The following SARDH variants were observed in gnomAD, a reference collection of about 807,000 sequenced individuals.
The protein encoded by SARDH is sarcosine dehydrogenase.
Under a neutral mutation model 109.1 loss-of-function variants are expected in SARDH, and 95 were observed. The observed-to-expected ratio is 0.87, with a 90% confidence interval of 0.74 to 1.03. SARDH has a LOEUF of 1.03. SARDH is among the 50% of genes least tolerant of loss of function. The pLI is 0.00. For missense variants in SARDH, 1,267 were observed against 1,287.8 expected (o/e 0.98, Z 0.25); for synonymous variants, 572 against 534.8 (o/e 1.07, Z -0.96).
chr9:133,721,114 C>T (rs1385097791), intron 6 of SARDH, among the ~76,000 whole-genome samples: 11 of 152,268 alleles, frequency 7.2e-5, no homozygotes, highest in Non-Finnish European at 4.4e-5. Flanking sequence ...GAAAAATGTC[C>T]AAGCAACAGC....
At chr9:133,660,461 CTTAT>C (rs1412291636), downstream of SARDH, among the ~76,000 whole-genome samples, 3 of 152,106 alleles carry the variant, frequency 2.0e-5, no homozygotes, top group African/African-American at 4.8e-5. Context: ...AAATAAGTTC[CTTAT>C]TTAGAGGCTT....
Position 133,696,289 on chromosome 9 carries a change from G to C in SARDH, c.1741C>G (p.Leu581Val). ...GCCTTCCTTGCATCCAGCCCCACCA[G>C]GTAGAACTTCCCGAAGTAGGACATG... ...FDMSYFGKFY[L>V]VGLDARKAAD... The change falls in exon 14 of 21, where the codon CTG becomes GTG. Residue 581 changes from leucine to valine, a missense_variant. Leu to Val is a conservative substitution (Grantham distance 32, BLOSUM62 1). Coordinates refer to ENST00000439388, the MANE Select transcript of SARDH (RefSeq NM_001134707.2). 1 of 1,614,184 alleles carries C rather than the reference G, an allele frequency of 6.2e-7. No individual in the cohort carries two copies. Among genetic ancestry groups the C allele is most frequent in the Non-Finnish European group, 8.5e-7 (1 of 1,180,040 alleles).
At chr9:133,722,452 A>G (rs1173681421) in intron 6 of SARDH, among the ~76,000 whole-genome samples, 1 of 152,240 alleles carries the variant, frequency 6.6e-6, no homozygotes, top group Admixed American at 6.5e-5. Context: ...ATCAGGAATT[A>G]GAGAAAGATA....
Position 133,734,051 on chromosome 9 carries a change from T to C in SARDH, c.123A>G (p.Pro41=), listed in dbSNP as rs909351345. The C allele has an allele frequency of 2.7e-5, 43 of 1,613,362 alleles. No homozygotes were observed. The highest frequency in any genetic ancestry group is 8.0e-5 in the African/African-American group (6 of 75,058). The change falls in exon 2 of 21, where the codon CCA becomes CCG. Residue 41 remains proline, a synonymous_variant. Coordinates refer to ENST00000439388, the MANE Select transcript of SARDH (RefSeq NM_001134707.2). ...GTCCCTCCTTCAGGGTCCGCTGATATGGCACACTCTTCTCGGCTGTGGGGC... is the reference window on the plus strand; with the variant it reads ...GTCCCTCCTTCAGGGTCCGCTGATACGGCACACTCTTCTCGGCTGTGGGGC... ...AAGPTAEKSV[P]YQRTLKEGQG...
chr9:133,692,176 C>T lies in SARDH; in HGVS notation c.1922-1649G>A, dbSNP rs775054572. On this transcript the variant is annotated intron_variant, in intron 15 of 20. Transcript: ENST00000439388. The surrounding 1 kb of genome is among the most constrained non-coding windows in gnomAD (Gnocchi z 5.0). ...TTCTCCATCGCAGCCCCGGGAGGCG[C>T]GTCTTCCTCACTCCATTCCACCAAT... Among the ~76,000 whole-genome samples the T allele has an allele frequency of 6.6e-5, 10 of 152,126 alleles. No individual in the cohort carries two copies. The highest frequency in any genetic ancestry group is 1.2e-4 in the Non-Finnish European group (8 of 68,008).
chr9:133,736,615 C>A lies in SARDH; in HGVS notation c.-31+1639G>T, dbSNP rs544909042. ...TTCACCATGTTGGCCAGGCTGGTCT[C>A]GAACTCCTGACCTCAGGTGATCCGC... is the stretch of plus-strand genomic sequence containing the variant. On this transcript the variant is annotated intron_variant, in intron 1 of 20. Transcript: ENST00000439388. 4.4e-3 allele frequency among the ~76,000 whole-genome samples: 675 copies of A among 152,264 alleles called. 4 individuals carry two copies. Among genetic ancestry groups the A allele is most frequent in the African/African-American group, 0.015 (628 of 41,550 alleles).
intron 19 of SARDH, among the ~76,000 whole-genome samples, chr9:133,669,662 G>T (rs182088220): frequency 6.6e-6 from 1 of 152,130 alleles, no homozygotes; most frequent in Non-Finnish European, 1.5e-5. Flanking sequence ...AGGTCAGGTC[G>T]CCCCCAGGCA....
chr9:133,717,407 A>T lies in SARDH; in HGVS notation c.1069T>A (p.Phe357Ile). Residue 357 changes from phenylalanine (F) to isoleucine (I), a missense_variant, in exon 8 of 21, where the codon TTC becomes ATC. Physicochemically the swap from Phe to Ile is conservative, Grantham distance 21. Coordinates refer to ENST00000439388, the MANE Select transcript of SARDH (RefSeq NM_001134707.2). ...ATGGCGCCTTCAATGTGCTGGGTGA[A>T]CACCTCCCAGTCCAGGTCAAAGAGG... ...FGLFDLDWEV[F>I]TQHIEGAINR... The T allele has an allele frequency of 6.2e-7, 1 of 1,614,094 alleles. No homozygotes were observed.
chr9:133,687,597 G>T (rs1830932191), intron 16 of SARDH, among the ~76,000 whole-genome samples: 1 of 152,078 alleles, frequency 6.6e-6, no homozygotes, highest in Non-Finnish European at 1.5e-5. Context: ...AGCACAGGGG[G>T]CTATTTGAGT....
In SARDH at chr9:133,667,196, T is replaced by G. The variant is rs1363867123; in HGVS notation, c.2496-326A>C. 543 of 29,958 alleles carry G rather than the reference T, an allele frequency of 0.018. 4 individuals are homozygous for G. The East Asian group carries it at 0.2, about 11-fold the overall frequency. The allele number at this position is 29,958 out of a possible 1,614,324, so 1.9% of individuals were successfully genotyped here. On this transcript the variant is annotated intron_variant, in intron 19 of 20. Coordinates refer to ENST00000439388, the MANE Select transcript of SARDH (RefSeq NM_001134707.2). ...CCTTCCATTGTTGTTCAACTCTGGT[T>G]TTTTTTTTTTTTTTTTTTTTGGTGC...
downstream of SARDH, among the ~76,000 whole-genome samples, chr9:133,662,964 A>G (rs930908928): frequency 6.6e-6 from 1 of 152,210 alleles, no homozygotes; most frequent in African/African-American, 2.4e-5. The surrounding 1 kb of genome is among the most constrained non-coding windows in gnomAD (Gnocchi z 5.1). Context: ...CAGGGGGAAG[A>G]GAAGGTGGGC....
chr9:133,694,705 GC>G lies in SARDH; in HGVS notation c.1808-335del, dbSNP rs1256012967. ...AGAAGTTTCTAGGGACAGGATTCAT[GC>G]CCCCCGTTCATTCTGGGGCTCCTAG... On this transcript the variant is annotated intron_variant, in intron 14 of 20. Transcript: ENST00000439388. Among the ~76,000 whole-genome samples, 24 of 152,322 alleles carry G rather than the reference GC, an allele frequency of 1.6e-4. No homozygotes were observed. In the East Asian group the frequency reaches 4.6e-3, roughly 29 times the overall value.
At position 133,721,842 on chromosome 9, in the gene SARDH, G is replaced by A. The variant is rs193269235; in HGVS notation, c.916-2800C>T. On this transcript the variant is annotated intron_variant, in intron 6 of 20. Transcript: ENST00000439388. ...ATGATACACCATGGCCAGACTGGAC[G>A]TGGTGGCTCATGCCTGTAATCCCAG... Among the ~76,000 whole-genome samples, 559 of 152,208 alleles carry A rather than the reference G, an allele frequency of 3.7e-3. 2 individuals are homozygous for A. Among genetic ancestry groups the A allele is most frequent in the Non-Finnish European group, 6.3e-3 (426 of 68,014 alleles).
chr9:133,700,780 C>T (rs902211434), intron 13 of SARDH, among the ~76,000 whole-genome samples: 1 of 152,182 alleles, frequency 6.6e-6, no homozygotes, highest in African/African-American at 2.4e-5. Flanking sequence ...CTATTTCCTT[C>T]CCCAGGTTTA....
chr9:133,674,166 T>C (rs186335835), intron 17 of SARDH, among the ~76,000 whole-genome samples: 12 of 152,354 alleles, frequency 7.9e-5, no homozygotes, highest in Admixed American at 7.8e-4. Flanking sequence ...TCCCCAGTTC[T>C]TCCAAGTGGG....
At chr9:133,683,100 G>A (rs1160625130) in intron 17 of SARDH, among the ~76,000 whole-genome samples, 1 of 152,186 alleles carries the variant, frequency 6.6e-6, no homozygotes, top group African/African-American at 2.4e-5. Flanking sequence ...GAGCCTTTGG[G>A]TCAGCTCAGC....
At chr9:133,729,079 AT>A (rs1216793810) in intron 6 of SARDH, among the ~76,000 whole-genome samples, 1 of 151,988 alleles carries the variant, frequency 6.6e-6, no homozygotes. Context: ...GAAGGAATAA[AT>A]GGGAGAAGGC....
chr9:133,676,927 C>T (rs951862582), intron 17 of SARDH, among the ~76,000 whole-genome samples: 4 of 152,118 alleles, frequency 2.6e-5, no homozygotes, highest in Non-Finnish European at 4.4e-5. Context: ...TCACTTGAGG[C>T]CAGGAGTTTG....
chr9:133,682,194 G>A (rs129953), intron 17 of SARDH, among the ~76,000 whole-genome samples: 14 of 152,086 alleles, frequency 9.2e-5, no homozygotes, highest in African/African-American at 2.2e-4. Context: ...AGGTGGACCC[G>A]GTGTGAAACA....
Sources: gnomAD v4.1 joint callset for allele counts (sites outside exome capture counted in the v4.1 genomes callset) on GRCh38, gnomAD v4.1.1 for gene constraint, Gnocchi (gnomAD v3.1) non-coding constraint, MANE v1.5 for transcripts, NCBI Gene and HGNC (gene_info 2026-07-23, HGNC 2026-07-21) for gene names.